Variants in DGKZ observed in about 807,000 individuals in gnomAD.
DGKZ encodes the protein DAG kinase zeta.
Under a neutral mutation model 142.5 loss-of-function variants are expected in DGKZ, and 45 were observed. That is an observed-to-expected ratio of 0.32 (90% CI 0.25 to 0.40). The LOEUF (loss-of-function observed/expected upper bound fraction) is 0.40, where lower values mean the gene tolerates loss of function less well. Ranked by LOEUF, DGKZ falls within the 10% of genes least tolerant of loss-of-function variation. DGKZ has a pLI of 1.00. For synonymous variants in DGKZ, 442 were observed against 527.0 expected, an observed-to-expected ratio of 0.84 and a Z score of 2.21; for missense variants, 755 against 1,306.5, an observed-to-expected ratio of 0.58 and a Z score of 6.51.
At position 46,372,192 on chromosome 11, in the gene DGKZ, A is replaced by G; in HGVS notation, c.927+22A>G. ...CCAGGTGAACGCGGCCTTGCCTCTCAGCTAAGGGCTCGGGCGGGGGTTGGG... is the reference window on the plus strand; with the variant it reads ...CCAGGTGAACGCGGCCTTGCCTCTCGGCTAAGGGCTCGGGCGGGGGTTGGG... On this transcript the variant is annotated intron_variant, in intron 10 of 30. Coordinates refer to ENST00000527911, the Ensembl canonical transcript of DGKZ. The surrounding 1 kb of genome is among the most constrained non-coding windows in gnomAD (Gnocchi z 5.9). The G allele has an allele frequency of 2.5e-6, 4 of 1,584,202 alleles. No individual in the cohort carries two copies. The highest frequency in any genetic ancestry group is 3.4e-6 in the Non-Finnish European group (4 of 1,162,366).
At chr11:46,345,550 C>T (rs1410040858), upstream of DGKZ, 2 of 1,527,162 alleles carry the variant, frequency 1.3e-6, no homozygotes, top group Middle Eastern at 1.8e-4. This position sits in a 1 kb window ranked among gnomAD's most constrained non-coding sequence, Gnocchi z 4.1. Context: ...GCTCCTGGGA[C>T]GTGCCACAGA....
At chr11:46,370,095 G>C in intron 6 of DGKZ, 86 bp downstream of exon 6, 1 of 1,542,296 alleles carries the variant, frequency 6.5e-7, no homozygotes, top group Non-Finnish European at 9.0e-7. Flanking sequence ...GCCGATCACT[G>C]ACCACACCCT....
At chr11:46,344,997 G>C (rs1383872230), upstream of DGKZ, among the ~76,000 whole-genome samples, 1 of 152,218 alleles carries the variant, frequency 6.6e-6, no homozygotes. Flanking sequence ...GCCCAGCCCT[G>C]TGTAAGATGG....
chr11:46,351,505 CCT>C (rs1941377511), intron 1 of DGKZ, among the ~76,000 whole-genome samples: 1 of 152,180 alleles, frequency 6.6e-6, no homozygotes, highest in South Asian at 2.1e-4. Flanking sequence ...AGAAGCAGCC[CCT>C]GTTTGAGTTG....
intron 1 of DGKZ, among the ~76,000 whole-genome samples, chr11:46,349,187 C>T (rs116925789): frequency 0.015 from 2,248 of 152,330 alleles, 18 homozygotes; most frequent in Non-Finnish European, 0.02. Context: ...TCCGTGGGCT[C>T]CTGTGTTACC....
chr11:46,347,893 C>A lies in DGKZ; in HGVS notation c.161+73C>A. ...CGCTCCCTCACCGGGGGACATTCCTCGGCCACTGGGGGTCCGGGCCACTTC... is the reference window on the plus strand; with the variant it reads ...CGCTCCCTCACCGGGGGACATTCCTAGGCCACTGGGGGTCCGGGCCACTTC... On this transcript the variant is annotated intron_variant, in intron 1 of 30. Coordinates refer to ENST00000527911, the Ensembl canonical transcript of DGKZ. This position sits in a 1 kb window ranked among gnomAD's most constrained non-coding sequence, Gnocchi z 6.4. 1 of 1,265,282 alleles carries A rather than the reference C, an allele frequency of 7.9e-7. No individual in the cohort carries two copies. Among genetic ancestry groups the A allele is most frequent in the South Asian group, 2.5e-5 (1 of 39,298 alleles). 78.4% of individuals were successfully genotyped at this position (1,265,282 alleles called of 1,614,324 possible).
rs201418842 is a variant in DGKZ at position 46,374,267 on chromosome 11, G to T, written c.1405+32G>T. 2.3e-4 allele frequency: 379 copies of T among 1,613,678 alleles called. 1 individual carries two copies. The East Asian group carries it at 7.4e-3, about 32-fold the overall frequency. Reference sequence around the variant, plus strand: ...AGCCTCCCACTGAGGCCAGGGCAGGGTGGGCACAGGAGTGTCCCCGGGAGG... The same window carrying T: ...AGCCTCCCACTGAGGCCAGGGCAGGTTGGGCACAGGAGTGTCCCCGGGAGG... On this transcript the variant is annotated intron_variant, in intron 15 of 30. Transcript: ENST00000527911.
rs1458476315 is a variant in DGKZ, at chr11:46,367,945, C to G, written c.367-57C>G. On this transcript the variant is annotated intron_variant, in intron 3 of 30. Transcript: ENST00000527911. The surrounding 1 kb of genome is among the most constrained non-coding windows in gnomAD (Gnocchi z 4.1). ...CAAAGGGCAGCTGTGCTGGGGCAGG[C>G]AGCCTCCGAGATAGACTTACCTGGT... The G allele has an allele frequency of 6.3e-7, 1 of 1,592,010 alleles. No individual in the cohort carries two copies. The highest frequency in any genetic ancestry group is 2.2e-5 in the East Asian group (1 of 44,798).
chr11:46,348,591 C>G (rs756169038), intron 1 of DGKZ, among the ~76,000 whole-genome samples: 1 of 152,210 alleles, frequency 6.6e-6, no homozygotes, highest in Non-Finnish European at 1.5e-5. Flanking sequence ...GCCCCCTCCC[C>G]CAGCACTCCA....
In DGKZ at chr11:46,379,743, C is replaced by T. The variant is rs1945007987; in HGVS notation, c.2689-88C>T. ...GAGAGGCCTCCCTCCCTGACCAGGC[C>T]ACAGGGAGGTAGAGCCCCTGCCTCT... On this transcript the variant is annotated intron_variant, in intron 30 of 30. Transcript: ENST00000527911. The T allele has an allele frequency of 7.3e-6, 10 of 1,377,418 alleles. No homozygotes were observed. The East Asian group carries it at 9.9e-5, about 14-fold the overall frequency. The allele number at this position is 1,377,418 out of a possible 1,614,324, so 85.3% of individuals were successfully genotyped here. A position where few individuals can be genotyped will look rare whatever the true frequency, so the allele number is the denominator to read the frequency against.
intron 25 of DGKZ, chr11:46,377,512 C>A: frequency 2.3e-6 from 1 of 444,088 alleles, no homozygotes; most frequent in Non-Finnish European, 3.9e-6. Context: ...CCAGCCCTTC[C>A]CGGCTGCCAC....
intron 25 of DGKZ, chr11:46,377,521 A>C: frequency 7.1e-6 from 3 of 420,634 alleles, no homozygotes; most frequent in Non-Finnish European, 1.3e-5. Context: ...CCCGGCTGCC[A>C]CGCCCTGGCC....
chr11:46,344,060 C>T (rs957479949), upstream of DGKZ, among the ~76,000 whole-genome samples: 6 of 152,046 alleles, frequency 3.9e-5, no homozygotes, highest in Admixed American at 6.5e-5. Context: ...AACGATTCTC[C>T]TGCCTCAGCC....
chr11:46,378,639 G>C (rs1298179255), intron 27 of DGKZ, 139 bp downstream of exon 27: 1 of 1,184,926 alleles, frequency 8.4e-7, no homozygotes, highest in Non-Finnish European at 1.2e-6. Context: ...GATCTCCAGT[G>C]ATCGTCCCAT....
intron 1 of DGKZ, among the ~76,000 whole-genome samples, chr11:46,334,827 G>T (rs1331293754): frequency 2.0e-5 from 3 of 152,158 alleles, no homozygotes; most frequent in African/African-American, 4.8e-5. Flanking sequence ...GGACTCACAG[G>T]GGATGCAGCA....
intron 1 of DGKZ, among the ~76,000 whole-genome samples, chr11:46,341,795 AT>A (rs1940290576): frequency 6.6e-6 from 1 of 152,144 alleles, no homozygotes; most frequent in Non-Finnish European, 1.5e-5. Flanking sequence ...TTAGGGCCAC[AT>A]GTGAAGGGAA....
At chr11:46,371,459 G>A (rs772383597) in intron 7 of DGKZ, 28 bp from the exon 8 acceptor site, 41 of 1,601,456 alleles carry the variant, frequency 2.6e-5, no homozygotes, top group Non-Finnish European at 3.5e-5. Flanking sequence ...ACACGGTCCC[G>A]CTGAGCCCGG....
chr11:46,348,925 A>C (rs1475025786), intron 1 of DGKZ, among the ~76,000 whole-genome samples: 1 of 151,746 alleles, frequency 6.6e-6, no homozygotes, highest in Non-Finnish European at 1.5e-5. Flanking sequence ...CCTCCCTCTC[A>C]CTTTTCTGCA....
intron 1 of DGKZ, among the ~76,000 whole-genome samples, chr11:46,363,626 C>T (rs1338854110): frequency 6.6e-6 from 1 of 152,234 alleles, no homozygotes; most frequent in Non-Finnish European, 1.5e-5. Flanking sequence ...GCAAGCTGGG[C>T]TCAGCCCTCA....
Sources: gnomAD v4.1 joint callset for allele counts (sites outside exome capture counted in the v4.1 genomes callset) on GRCh38, gnomAD v4.1.1 for gene constraint, Gnocchi (gnomAD v3.1) non-coding constraint, MANE v1.5 for transcripts, NCBI Gene and HGNC (gene_info 2026-07-23, HGNC 2026-07-21) for gene names.